GAD1: variants seen among roughly 807,000 people sequenced by gnomAD.
GAD1 encodes 67 kDa glutamic acid decarboxylase.
GAD1 carries 35 observed loss-of-function variants against 75.2 expected under a neutral mutation model. The observed-to-expected ratio is 0.47, with a 90% confidence interval of 0.36 to 0.62. The LOEUF (loss-of-function observed/expected upper bound fraction) is 0.62. GAD1 is among the 20% of genes least tolerant of loss of function. The pLI is 0.00. For missense variants in GAD1, 490 were observed against 758.5 expected (o/e 0.65, Z 4.16); for synonymous variants, 257 against 271.9 (o/e 0.95, Z 0.54).
intron 1 of GAD1, chr2:170,817,951 C>T (rs1463325697): frequency 6.5e-6 from 1 of 153,308 alleles, no homozygotes; most frequent in Non-Finnish European, 1.5e-5. Flanking sequence ...AAGATATGGG[C>T]CTTTTTCCCC....
intron 13 of GAD1, chr2:170,852,995 C>A: frequency 3.1e-6 from 2 of 650,318 alleles, no homozygotes; most frequent in Non-Finnish European, 5.6e-6. Flanking sequence ...TGTGCTTCTT[C>A]TTTGATCAGT....
chr2:170,836,037 T>C (rs182585805), intron 5 of GAD1, among the ~76,000 whole-genome samples: 2 of 152,206 alleles, frequency 1.3e-5, no homozygotes, highest in African/African-American at 4.8e-5. Context: ...TAGGGAAGAA[T>C]AGAGATTCTC....
At chr2:170,816,481 G>C (rs914088934), upstream of GAD1, 2 of 151,922 alleles carry the variant, frequency 1.3e-5, no homozygotes, top group Non-Finnish European at 2.9e-5. Context: ...ACCGCCGCTC[G>C]TCTCCTACAA....
intron 14 of GAD1, among the ~76,000 whole-genome samples, chr2:170,855,741 C>T (rs752815660): frequency 2.7e-4 from 41 of 151,630 alleles, no homozygotes; most frequent in Non-Finnish European, 4.4e-4. Context: ...GGTGTGATGA[C>T]GCATGCCTGT....
chr2:170,848,766 T>G (rs1341289476), intron 11 of GAD1: 2 of 519,094 alleles, frequency 3.9e-6, no homozygotes, highest in South Asian at 2.8e-5. Context: ...TCACGTGGCA[T>G]CCCAACTATT....
chr2:170,829,296 T>C lies in GAD1; in HGVS notation c.146-179T>C, dbSNP rs531823525. ...CTCTGCCACTGATGACATTTGGCAC[T>C]GCCCCCCTCCCTGCCTGAAGGCGAG... On this transcript the variant is annotated intron_variant, in intron 3 of 16. Transcript: ENST00000358196. 6.4e-5 allele frequency: 43 copies of C among 672,778 alleles called. 1 individual carries two copies. The South Asian group carries it at 7.4e-4, about 12-fold the overall frequency. The allele number at this position is 672,778 out of a possible 1,614,324, so 41.7% of individuals were successfully genotyped here.
At chr2:170,825,369 A>T (rs965878456) in intron 3 of GAD1, among the ~76,000 whole-genome samples, 2 of 152,214 alleles carry the variant, frequency 1.3e-5, no homozygotes, top group African/African-American at 4.8e-5. Flanking sequence ...AGTCTGGACA[A>T]CAGCAATACA....
intron 3 of GAD1, among the ~76,000 whole-genome samples, chr2:170,828,479 A>C (rs375926450): frequency 4.3e-3 from 123 of 28,460 alleles, no homozygotes; most frequent in South Asian, 7.9e-3. Flanking sequence ...GCTGTCCTTG[A>C]TCTCCTCCCT....
chr2:170,822,192 G>A (rs1433953969), intron 3 of GAD1, 43 bp downstream of exon 3: 8 of 1,561,046 alleles, frequency 5.1e-6, no homozygotes, highest in African/African-American at 1.4e-5. Context: ...GTGGCGCGGC[G>A]GGCGGACCTT....
At chr2:170,824,387 ACACACAC>A (rs1191910855) in intron 3 of GAD1, among the ~76,000 whole-genome samples, 69 of 41,526 alleles carry the variant, frequency 1.7e-3, no homozygotes, top group African/African-American at 4.5e-3. Context: ...CTACACACAC[ACACACAC>A]ACACACACAC....
At chr2:170,813,675 G>A (rs1212619005), upstream of GAD1, among the ~76,000 whole-genome samples, 6 of 152,158 alleles carry the variant, frequency 3.9e-5, no homozygotes, top group South Asian at 6.2e-4. Context: ...CTACTCACCC[G>A]TTTTTCCCTT....
rs527332017 is a variant in GAD1, at chr2:170,845,819, T to C, written c.947+34T>C. Reference sequence around the variant, plus strand: ...GGGAGGGTGAATATTAGGTTCTTGATGTATTAAATGTGTTCATCTGTTAAA... The same window carrying C: ...GGGAGGGTGAATATTAGGTTCTTGACGTATTAAATGTGTTCATCTGTTAAA... On this transcript the variant is annotated intron_variant, in intron 9 of 16. Transcript: ENST00000358196. 23 of 1,589,172 alleles carry C rather than the reference T, an allele frequency of 1.4e-5. No homozygotes were observed. The South Asian group carries it at 2.3e-4, about 16-fold the overall frequency.
chr2:170,826,581 A>AG (rs1228193652), intron 3 of GAD1, among the ~76,000 whole-genome samples: 1 of 151,552 alleles, frequency 6.6e-6, no homozygotes, highest in African/African-American at 2.4e-5. Flanking sequence ...AAAAAAAAAA[A>AG]AAAGCTGTGG....
At chr2:170,815,015 T>G (rs1701669928), upstream of GAD1, among the ~76,000 whole-genome samples, 1 of 152,126 alleles carries the variant, frequency 6.6e-6, no homozygotes, top group Admixed American at 6.5e-5. Context: ...GGAGATGTGT[T>G]GCCTCCTCCT....
intron 2 of GAD1, 168 bp from the exon 3 acceptor site, chr2:170,821,919 A>G: frequency 1.5e-6 from 1 of 670,186 alleles, no homozygotes; most frequent in East Asian, 2.7e-5. Context: ...CTTAGAGTAT[A>G]TGCCTGTCGG....
rs769395 is a variant in GAD1, at chr2:170,860,293, G to A, written c.*411G>A. 139,639 of 185,014 alleles carry A rather than the reference G, an allele frequency of 0.75. 53,094 individuals carry two copies. The highest frequency in any genetic ancestry group is 0.82 in the African/African-American group (34,587 of 42,244). 11.5% of individuals were successfully genotyped at this position (185,014 alleles called of 1,614,324 possible). A position where few individuals can be genotyped will look rare whatever the true frequency, so the allele number is the denominator to read the frequency against. On this transcript the variant is annotated 3_prime_UTR_variant, in exon 17 of 17. Coordinates refer to ENST00000358196, the MANE Select transcript of GAD1 (RefSeq NM_000817.3). ...TTCAAAACGCCATGTCCTAGGGGCC[G>A]AGGGAAATGCTGTTGGTGAGAATCG...
At chr2:170,831,918 A>T (rs1702243048) in intron 5 of GAD1, among the ~76,000 whole-genome samples, 1 of 150,804 alleles carries the variant, frequency 6.6e-6, no homozygotes, top group Admixed American at 6.6e-5. Context: ...GTGAGCCAAG[A>T]TCGTGCCACT....
rs746760127 is a variant in GAD1, at chr2:170,831,212, AG to A, written c.547+21del. On this transcript the variant is annotated intron_variant, in intron 5 of 16. Coordinates refer to ENST00000358196, the MANE Select transcript of GAD1 (RefSeq NM_000817.3). The stretch of plus-strand genomic sequence containing the variant: ...GCACAGGTAAGGAGGAGAGTTGGGT[AG>A]ACAGGTAGTGGCAACTTTGCCCTCC... 13 of 1,613,916 alleles carry A rather than the reference AG, an allele frequency of 8.1e-6. No homozygotes were observed. Among genetic ancestry groups the A allele is most frequent in the Non-Finnish European group, 1.1e-5 (13 of 1,179,836 alleles).
Position 170,818,591 on chromosome 2 carries a change from G to A in GAD1, c.-1G>A. On this transcript the variant is annotated 5_prime_UTR_variant, in exon 2 of 17. Coordinates refer to ENST00000358196, the MANE Select transcript of GAD1 (RefSeq NM_000817.3). The surrounding 1 kb of genome is among the most constrained non-coding windows in gnomAD (Gnocchi z 5.9). ...GTAGAGGCCCCGGGACGACCGAGCTGATGGCGTCTTCGACCCCATCTTCGT... is the reference window on the plus strand; with the variant it reads ...GTAGAGGCCCCGGGACGACCGAGCTAATGGCGTCTTCGACCCCATCTTCGT... The A allele has an allele frequency of 1.2e-6, 2 of 1,614,144 alleles. No individual in the cohort carries two copies. The highest frequency in any genetic ancestry group is 8.5e-7 in the Non-Finnish European group (1 of 1,180,006).
Sources: gnomAD v4.1 joint callset for allele counts (sites outside exome capture counted in the v4.1 genomes callset) on GRCh38, gnomAD v4.1.1 for gene constraint, Gnocchi (gnomAD v3.1) non-coding constraint, MANE v1.5 for transcripts, NCBI Gene and HGNC (gene_info 2026-07-23, HGNC 2026-07-21) for gene names.